PPP1R13B: variants seen among roughly 807,000 people sequenced by gnomAD.
PPP1R13B encodes the protein protein phosphatase 1 regulatory subunit 13B.
Under a neutral mutation model 119.8 loss-of-function variants are expected in PPP1R13B, and 44 were observed. The observed-to-expected ratio is 0.37, with a 90% CI of 0.29 to 0.47. The LOEUF is 0.47. Ranked by LOEUF, PPP1R13B falls within the 20% of genes least tolerant of loss-of-function variation. The pLI is 0.99. For synonymous variants in PPP1R13B, 542 were observed against 561.5 expected (o/e 0.97, Z 0.49); for missense variants, 1,227 against 1,413.5 (o/e 0.87, Z 2.12).
At chr14:103,848,405 C>CAA, upstream of PPP1R13B, 1 of 985,460 alleles carries the variant, frequency 1.0e-6, no homozygotes, top group African/African-American at 1.7e-5. Flanking sequence ...GCCGGAGTGA[C>CAA]AGAGCCCTGG....
intron 1 of PPP1R13B, chr14:103,804,151 G>C (rs893553617): frequency 1.5e-6 from 1 of 684,342 alleles, no homozygotes; most frequent in Non-Finnish European, 1.8e-6. Flanking sequence ...CAATACTTGT[G>C]TTCTCCAGCT....
At chr14:103,781,073 G>A (rs953487504) in intron 3 of PPP1R13B, among the ~76,000 whole-genome samples, 4 of 151,920 alleles carry the variant, frequency 2.6e-5, no homozygotes, top group African/African-American at 7.3e-5. Flanking sequence ...AAAGTGCTGG[G>A]ATTACAGGCA....
At chr14:103,806,483 A>T (rs1285698094) in intron 1 of PPP1R13B, among the ~76,000 whole-genome samples, 1 of 152,164 alleles carries the variant, frequency 6.6e-6, no homozygotes, top group Non-Finnish European at 1.5e-5. Context: ...CACAGAAAGG[A>T]TCAGTTGGGG....
intron 1 of PPP1R13B, among the ~76,000 whole-genome samples, chr14:103,816,608 C>G (rs976726666): frequency 8.0e-5 from 12 of 150,638 alleles, no homozygotes; most frequent in African/African-American, 2.7e-4. Context: ...TCGCTTGTAC[C>G]CGGGAGGTGG....
chr14:103,777,984 G>A (rs192892171), intron 4 of PPP1R13B, among the ~76,000 whole-genome samples: 120 of 147,842 alleles, frequency 8.1e-4, no homozygotes, highest in Non-Finnish European at 1.6e-3. Flanking sequence ...ATGGAATTTC[G>A]CTCGTTGCCC....
intron 9 of PPP1R13B, among the ~76,000 whole-genome samples, chr14:103,743,549 G>A (rs564848709): frequency 6.6e-6 from 1 of 152,310 alleles, no homozygotes; most frequent in African/African-American, 2.4e-5. Flanking sequence ...TATAACACAG[G>A]CTCCTGGTTC....
At chr14:103,792,488 ATTAAT>A (rs1216869121) in intron 2 of PPP1R13B, among the ~76,000 whole-genome samples, 2 of 152,114 alleles carry the variant, frequency 1.3e-5, no homozygotes, top group Admixed American at 1.3e-4. Flanking sequence ...TTTTGAGAAG[ATTAAT>A]TTCAAGAAAG....
chr14:103,799,220 G>A (rs540087509), intron 1 of PPP1R13B, among the ~76,000 whole-genome samples: 8 of 150,648 alleles, frequency 5.3e-5, no homozygotes, highest in African/African-American at 2.0e-4. Context: ...GCTCTGTCAC[G>A]CAGGCTGGAG....
intron 1 of PPP1R13B, among the ~76,000 whole-genome samples, chr14:103,802,637 G>A (rs957548257): frequency 2.0e-5 from 3 of 152,152 alleles, no homozygotes; most frequent in Admixed American, 6.6e-5. Context: ...GGCACAGCTT[G>A]TGCTTACTTG....
At chr14:103,848,374 G>T (rs1344424457), upstream of PPP1R13B, 1 of 985,442 alleles carries the variant, frequency 1.0e-6, no homozygotes, top group Non-Finnish European at 1.2e-6. Flanking sequence ...CTCCAGAGGC[G>T]CCGCCCCCTC....
chr14:103,744,774 G>C (rs1233603714), intron 9 of PPP1R13B, among the ~76,000 whole-genome samples: 1 of 152,218 alleles, frequency 6.6e-6, no homozygotes, highest in African/African-American at 2.4e-5. Context: ...CTGCCAGGAG[G>C]CTTCACAGCC....
intron 11 of PPP1R13B, among the ~76,000 whole-genome samples, chr14:103,741,021 C>G (rs538156683): frequency 1.4e-4 from 22 of 152,346 alleles, no homozygotes; most frequent in Admixed American, 1.0e-3. Flanking sequence ...GGTCCAGGAG[C>G]TCTTGAGAAT....
intron 5 of PPP1R13B, among the ~76,000 whole-genome samples, chr14:103,755,520 A>G (rs556071613): frequency 1.3e-5 from 2 of 152,358 alleles, no homozygotes; most frequent in South Asian, 4.1e-4. Context: ...GTGAAAACAT[A>G]CCTTAAAGAG....
At chr14:103,737,405 A>C (rs2084140811) in intron 15 of PPP1R13B, 1 of 278,280 alleles carries the variant, frequency 3.6e-6, no homozygotes, top group Non-Finnish European at 6.7e-6. Flanking sequence ...TCTCTACAAA[A>C]AAAAAAAAAA....
intron 5 of PPP1R13B, among the ~76,000 whole-genome samples, chr14:103,756,875 G>C (rs12891589): frequency 0.45 from 67,583 of 151,468 alleles, 15,566 homozygotes; most frequent in African/African-American, 0.56. Flanking sequence ...TCTCCCGCCT[G>C]AGCCTCCCGA....
intron 4 of PPP1R13B, among the ~76,000 whole-genome samples, chr14:103,773,255 G>C (rs1001258306): frequency 2.0e-5 from 3 of 152,056 alleles, no homozygotes; most frequent in African/African-American, 7.2e-5. Flanking sequence ...TAAGAGACAA[G>C]GAGAATAAAA....
chr14:103,832,124 G>T (rs1308399459), intron 1 of PPP1R13B, among the ~76,000 whole-genome samples: 4 of 150,640 alleles, frequency 2.7e-5, no homozygotes, highest in Non-Finnish European at 4.4e-5. Flanking sequence ...AAAAAAAAAA[G>T]TTATGTTTCT....
chr14:103,785,927 A>G (rs2085452522), intron 2 of PPP1R13B, among the ~76,000 whole-genome samples: 1 of 152,228 alleles, frequency 6.6e-6, no homozygotes. Flanking sequence ...CTGGCAACTC[A>G]GGCAACATTA....
intron 1 of PPP1R13B, among the ~76,000 whole-genome samples, chr14:103,830,078 GTATTTT>G (rs112427163): frequency 0.08 from 11,859 of 148,854 alleles, 509 homozygotes; most frequent in Middle Eastern, 0.13. Flanking sequence ...CGCCTGGCCT[GTATTTT>G]TATTTTTATT....
Sources: gnomAD v4.1 joint callset for allele counts (sites outside exome capture counted in the v4.1 genomes callset) on GRCh38, gnomAD v4.1.1 for gene constraint, MANE v1.5 for transcripts, NCBI Gene and HGNC (gene_info 2026-07-23, HGNC 2026-07-21) for gene names.